Variants in LHFPL3 observed in about 807,000 individuals in gnomAD.
LHFPL3 encodes LHFPL tetraspan subfamily member 3.
LHFPL3 carries 5 observed loss-of-function variants against 19.3 expected under a neutral mutation model. The ratio of observed to expected loss-of-function variants is 0.26; its 90% CI spans 0.14 to 0.54. The LOEUF (loss-of-function observed/expected upper bound fraction) is 0.54, where lower values mean the gene tolerates loss of function less well. LHFPL3 is among the 20% of genes least tolerant of loss of function. The probability of loss-of-function intolerance (pLI) is 0.94; values close to 1 mark genes in which losing one functional copy is unlikely to be tolerated. For missense variants in LHFPL3, 249 were observed against 307.4 expected (o/e 0.81, Z 1.42); for synonymous variants, 133 against 126.2 (o/e 1.05, Z -0.36).
At chr7:104,361,157 C>T (rs1229107961) in intron 1 of LHFPL3, among the ~76,000 whole-genome samples, 2 of 152,144 alleles carry the variant, frequency 1.3e-5, no homozygotes, top group African/African-American at 4.8e-5. Context: ...ACTGGATGGC[C>T]CACTAAGCCT....
chr7:104,454,151 A>G (rs751684178), intron 1 of LHFPL3, among the ~76,000 whole-genome samples: 1 of 152,136 alleles, frequency 6.6e-6, no homozygotes, highest in African/African-American at 2.4e-5. Flanking sequence ...AGGGAGATGG[A>G]GATTGGGGAG....
In LHFPL3 at chr7:104,665,312, C is replaced by T. The variant is rs190758629; in HGVS notation, c.446-71363C>T. Among the ~76,000 whole-genome samples, 29 of 152,232 alleles carry T rather than the reference C, an allele frequency of 1.9e-4. No homozygotes were observed. The East Asian group carries it at 5.4e-3, about 28-fold the overall frequency. On this transcript the variant is annotated intron_variant, in intron 1 of 2. Coordinates refer to ENST00000424859, the MANE Select transcript of LHFPL3 (RefSeq NM_199000.3). ...TCATCAGAACACTCAGCAACTGGGT[C>T]CGTCCATGAAGACAGTATATTGAAT...
Position 104,702,931 on chromosome 7 carries a change from A to G in LHFPL3, c.446-33744A>G, listed in dbSNP as rs757521446. On this transcript the variant is annotated intron_variant, in intron 1 of 2. Coordinates refer to ENST00000424859, the MANE Select transcript of LHFPL3 (RefSeq NM_199000.3). ...AAATCCTGGAAGGTCCCAGCTGTCA[A>G]TAACAATCCTCCCCTCCCATCTACT... Among the ~76,000 whole-genome samples the G allele has an allele frequency of 2.6e-5, 4 of 152,222 alleles. No homozygotes were observed. The South Asian group carries it at 8.3e-4, about 31-fold the overall frequency.
At chr7:104,645,741 A>T (rs1339228233) in intron 1 of LHFPL3, among the ~76,000 whole-genome samples, 1 of 134,176 alleles carries the variant, frequency 7.5e-6, no homozygotes, top group Admixed American at 8.9e-5. Context: ...GCTCACTGCA[A>T]GCTCCGCCTC....
At chr7:104,800,582 T>C (rs1790224331) in intron 2 of LHFPL3, among the ~76,000 whole-genome samples, 1 of 152,180 alleles carries the variant, frequency 6.6e-6, no homozygotes, top group South Asian at 2.1e-4. Context: ...CAGGATGTCT[T>C]GGAATACTTA....
chr7:104,342,011 T>C (rs1341272049), intron 1 of LHFPL3, among the ~76,000 whole-genome samples: 1 of 152,212 alleles, frequency 6.6e-6, no homozygotes, highest in African/African-American at 2.4e-5. Context: ...TAATATAAAA[T>C]GCTTTGAAAT....
chr7:104,478,849 C>G (rs984159301), intron 1 of LHFPL3, among the ~76,000 whole-genome samples: 1 of 152,194 alleles, frequency 6.6e-6, no homozygotes, highest in Non-Finnish European at 1.5e-5. Context: ...CATGTGGACA[C>G]AGTGAGCACT....
chr7:104,685,534 A>T (rs1438444911), intron 1 of LHFPL3, among the ~76,000 whole-genome samples: 1 of 152,078 alleles, frequency 6.6e-6, no homozygotes, highest in Admixed American at 6.6e-5. Context: ...TCTCCTCCAT[A>T]ATGCATTTTT....
chr7:104,374,342 A>G (rs1203547333), intron 1 of LHFPL3, among the ~76,000 whole-genome samples: 7 of 151,894 alleles, frequency 4.6e-5, no homozygotes, highest in African/African-American at 1.7e-4. Context: ...CCTGGGTTCA[A>G]GCGATTCTCC....
At chr7:104,620,141 T>C (rs574686600) in intron 1 of LHFPL3, among the ~76,000 whole-genome samples, 10 of 152,210 alleles carry the variant, frequency 6.6e-5, no homozygotes, top group Admixed American at 5.9e-4. Context: ...TATATCAAGA[T>C]CATGTGATAA....
intron 1 of LHFPL3, among the ~76,000 whole-genome samples, chr7:104,674,509 G>A (rs1215674108): frequency 1.3e-5 from 2 of 151,658 alleles, no homozygotes; most frequent in Non-Finnish European, 2.9e-5. Context: ...GCTGGGATTA[G>A]AGGTGCCTGC....
chr7:104,406,699 A>G (rs1791422695), intron 1 of LHFPL3, among the ~76,000 whole-genome samples: 1 of 152,244 alleles, frequency 6.6e-6, no homozygotes, highest in Middle Eastern at 3.2e-3. Flanking sequence ...CACAACAGCC[A>G]AGTCATGCCT....
chr7:104,681,424 A>C (rs1203673750), intron 1 of LHFPL3, among the ~76,000 whole-genome samples: 2 of 151,962 alleles, frequency 1.3e-5, no homozygotes, highest in Non-Finnish European at 2.9e-5. Context: ...GAAGATCAAG[A>C]CCATCCTGGC....
intron 1 of LHFPL3, among the ~76,000 whole-genome samples, chr7:104,382,748 G>T (rs1373459773): frequency 6.6e-6 from 1 of 152,172 alleles, no homozygotes; most frequent in Non-Finnish European, 1.5e-5. Context: ...CTCTATTAAT[G>T]ATCTTATTAT....
At chr7:104,640,480 C>T (rs1321913651) in intron 1 of LHFPL3, among the ~76,000 whole-genome samples, 1 of 152,138 alleles carries the variant, frequency 6.6e-6, no homozygotes, top group East Asian at 1.9e-4. Flanking sequence ...CATAGTATTC[C>T]ATGGTGTATA....
intron 1 of LHFPL3, among the ~76,000 whole-genome samples, chr7:104,522,613 T>A (rs1445065557): frequency 6.6e-6 from 1 of 152,242 alleles, no homozygotes; most frequent in Non-Finnish European, 1.5e-5. Context: ...GCAGAAGATA[T>A]GGTTCCTAGC....
chr7:104,613,376 G>T (rs1256438154), intron 1 of LHFPL3, among the ~76,000 whole-genome samples: 2 of 152,090 alleles, frequency 1.3e-5, no homozygotes, highest in African/African-American at 4.8e-5. Context: ...GAACTTTATT[G>T]CCTTAAATCC....
At chr7:104,339,630 A>G (rs1420757564) in intron 1 of LHFPL3, among the ~76,000 whole-genome samples, 1 of 152,242 alleles carries the variant, frequency 6.6e-6, no homozygotes, top group East Asian at 1.9e-4. Context: ...GTAAGTCTTC[A>G]ATATGCATTT....
At chr7:104,337,895 C>G (rs909588319) in intron 1 of LHFPL3, among the ~76,000 whole-genome samples, 4 of 152,008 alleles carry the variant, frequency 2.6e-5, no homozygotes, top group Non-Finnish European at 5.9e-5. Context: ...TAGTATTGAC[C>G]ACTTGGTATG....
Sources: gnomAD v4.1 joint callset for allele counts (sites outside exome capture counted in the v4.1 genomes callset) on GRCh38, gnomAD v4.1.1 for gene constraint, MANE v1.5 for transcripts, NCBI Gene and HGNC (gene_info 2026-07-23, HGNC 2026-07-21) for gene names.